Variants in PPP4R2 observed in about 807,000 individuals in gnomAD.
PPP4R2 encodes the protein serine/threonine-protein phosphatase 4 regulatory subunit 2.
In PPP4R2, 13 loss-of-function variants were observed where a neutral mutation model predicts 47.2. That is an observed-to-expected ratio of 0.28 (90% CI 0.18 to 0.44). The LOEUF (loss-of-function observed/expected upper bound fraction) is 0.44, where lower values mean the gene tolerates loss of function less well. Ranked by LOEUF, PPP4R2 falls within the 20% of genes least tolerant of loss-of-function variation. PPP4R2 has a pLI of 1.00. For synonymous variants in PPP4R2, 151 were observed against 163.3 expected (o/e 0.92, Z 0.57); for missense variants, 421 against 491.2 (o/e 0.86, Z 1.35).
chr3:73,045,486 CTTTA>C (rs529799518), intron 2 of PPP4R2, among the ~76,000 whole-genome samples: 43 of 148,576 alleles, frequency 2.9e-4, no homozygotes, highest in Non-Finnish European at 5.2e-4. Flanking sequence ...GACAGGTTCA[CTTTA>C]TTTATTTTTG....
intron 2 of PPP4R2, among the ~76,000 whole-genome samples, chr3:73,018,452 T>TTTATGTTATGTTATGTTATGTTATG (rs1701894739): frequency 7.3e-5 from 7 of 96,506 alleles, no homozygotes; most frequent in African/African-American, 2.5e-4. Context: ...TGTTATGTTA[T>TTTATGTTATGTTATGTTATGTTATG]TTATGTTATG....
At chr3:73,020,672 T>TTAAAAAAAA (rs59905202) in intron 2 of PPP4R2, among the ~76,000 whole-genome samples, 28 of 133,222 alleles carry the variant, frequency 2.1e-4, no homozygotes, top group African/African-American at 7.0e-4. Flanking sequence ...CCTGTCTCTT[T>TTAAAAAAAA]AAAAAAAAAA....
At chr3:72,997,637 T>G (rs931069606) in intron 1 of PPP4R2, among the ~76,000 whole-genome samples, 16 of 152,318 alleles carry the variant, frequency 1.1e-4, no homozygotes, top group African/African-American at 3.4e-4. Context: ...TAGAGAGATT[T>G]CAGCGTTTTG....
intron 3 of PPP4R2, among the ~76,000 whole-genome samples, chr3:73,053,587 C>T (rs1375424149): frequency 1.3e-5 from 2 of 152,072 alleles, no homozygotes; most frequent in African/African-American, 2.4e-5. Context: ...AGTTTACTTA[C>T]ATCATTGGGG....
At chr3:73,063,318 TA>T (rs534798966) in intron 5 of PPP4R2, 1,549 of 92,096 alleles carry the variant, frequency 0.017, 2 homozygotes, top group South Asian at 0.028. Flanking sequence ...TCTCATTATT[TA>T]AAAAAAAAAA....
intron 2 of PPP4R2, among the ~76,000 whole-genome samples, chr3:73,034,374 C>T (rs898480094): frequency 2.0e-5 from 3 of 152,200 alleles, no homozygotes; most frequent in Admixed American, 1.3e-4. Flanking sequence ...ACGCAGAACA[C>T]TTGCTGACTA....
intron 2 of PPP4R2, among the ~76,000 whole-genome samples, chr3:72,999,837 A>C (rs1211676628): frequency 6.6e-6 from 1 of 152,160 alleles, no homozygotes; most frequent in African/African-American, 2.4e-5. Flanking sequence ...TCTTATATTC[A>C]ATGGAATTTG....
chr3:73,018,497 A>G (rs1701896754), intron 2 of PPP4R2, among the ~76,000 whole-genome samples: 1 of 79,410 alleles, frequency 1.3e-5, no homozygotes, highest in Admixed American at 1.1e-4. Context: ...TCTGTTGCCC[A>G]GGCTGGAGTG....
intron 2 of PPP4R2, among the ~76,000 whole-genome samples, chr3:73,011,526 T>C (rs188250507): frequency 3.3e-5 from 5 of 152,206 alleles, no homozygotes; most frequent in African/African-American, 9.6e-5. Context: ...AGGACTCTTA[T>C]AATCGTTATT....
At position 73,023,475 on chromosome 3, in the gene PPP4R2, A is replaced by G. The variant is rs149803762; in HGVS notation, c.117-23711A>G. Among the ~76,000 whole-genome samples, 675 of 152,284 alleles carry G rather than the reference A, an allele frequency of 4.4e-3. 3 individuals carry two copies. The highest frequency in any genetic ancestry group is 0.016 in the African/African-American group (654 of 41,568). On this transcript the variant is annotated intron_variant, in intron 2 of 8. Coordinates refer to ENST00000356692, the MANE Select transcript of PPP4R2 (RefSeq NM_174907.4). ...TGCTGGGATTAGAGGCATGAGCCAC[A>G]GTGCCTGGCCAGAATAAGATTTCTT...
At chr3:73,053,772 G>T (rs1702669043) in intron 3 of PPP4R2, among the ~76,000 whole-genome samples, 1 of 151,892 alleles carries the variant, frequency 6.6e-6, no homozygotes, top group Admixed American at 6.6e-5. Flanking sequence ...AGCTGGGCGT[G>T]GTGGCAGGCG....
chr3:72,999,254 G>A (rs946411036), intron 2 of PPP4R2, among the ~76,000 whole-genome samples: 6 of 152,176 alleles, frequency 3.9e-5, no homozygotes, highest in African/African-American at 9.6e-5. Context: ...CCCTCTGGGC[G>A]GGGGAAGTCA....
chr3:73,004,844 G>GGGGTGT (rs767172629), intron 2 of PPP4R2, among the ~76,000 whole-genome samples: 1 of 99,496 alleles, frequency 1.0e-5, no homozygotes. Context: ...TACAGTGTGG[G>GGGGTGT]GTGTGTGTGT....
At chr3:73,018,903 G>C (rs186067127) in intron 2 of PPP4R2, among the ~76,000 whole-genome samples, 1 of 152,122 alleles carries the variant, frequency 6.6e-6, no homozygotes, top group Admixed American at 6.6e-5. Flanking sequence ...TGCATTTTCT[G>C]TTATAGCTGT....
At chr3:73,029,607 C>T (rs776250020) in intron 2 of PPP4R2, among the ~76,000 whole-genome samples, 2 of 152,110 alleles carry the variant, frequency 1.3e-5, no homozygotes, top group Non-Finnish European at 2.9e-5. Flanking sequence ...TGGGAAAGAT[C>T]AGAAGTTCAG....
chr3:73,063,621 TC>T, intron 5 of PPP4R2, 51 bp from the exon 6 acceptor site: 1 of 1,056,070 alleles, frequency 9.5e-7, no homozygotes, highest in Non-Finnish European at 1.5e-6. Context: ...AGAGCCAGAC[TC>T]CATCTAAAAA....
Position 73,067,484 on chromosome 3 carries a change from C to CT in PPP4R2, c.*1763dup, listed in dbSNP as rs2107355259. ...CTAGATGATATATTTATGACTATGTCTAATAGTTGAAATAAAATCTGAATA... is the reference window on the plus strand; with the variant it reads ...CTAGATGATATATTTATGACTATGTCTTAATAGTTGAAATAAAATCTGAATA... On this transcript the variant is annotated 3_prime_UTR_variant, in exon 9 of 9. Coordinates refer to ENST00000356692, the MANE Select transcript of PPP4R2 (RefSeq NM_174907.4). The CT allele has an allele frequency of 6.6e-6, 1 of 152,074 alleles. No individual in the cohort carries two copies. Among genetic ancestry groups the CT allele is most frequent in the South Asian group, 2.1e-4 (1 of 4,826 alleles). The allele number at this position is 152,074 out of a possible 1,614,324, so 9.4% of individuals were successfully genotyped here.
At chr3:73,035,310 G>A (rs1343702623) in intron 2 of PPP4R2, among the ~76,000 whole-genome samples, 1 of 152,186 alleles carries the variant, frequency 6.6e-6, no homozygotes, top group Non-Finnish European at 1.5e-5. Context: ...TGAGGTGGGA[G>A]CATCACTTGA....
rs956001549 is a variant in PPP4R2 at position 73,067,111 on chromosome 3, T to C, written c.*1389T>C. 3.3e-5 allele frequency: 5 copies of C among 152,156 alleles called. No homozygotes were observed. The highest frequency in any genetic ancestry group is 1.2e-4 in the African/African-American group (5 of 41,470). The allele number at this position is 152,156 out of a possible 1,614,324, so 9.4% of individuals were successfully genotyped here. On this transcript the variant is annotated 3_prime_UTR_variant, in exon 9 of 9. Coordinates refer to ENST00000356692, the MANE Select transcript of PPP4R2 (RefSeq NM_174907.4). ...ACTGCCTTTGTGAAGCGGTATATAA[T>C]TGTATAATTTCTGTGTGTAAACTGA...
Sources: gnomAD v4.1 joint callset for allele counts (sites outside exome capture counted in the v4.1 genomes callset) on GRCh38, gnomAD v4.1.1 for gene constraint, MANE v1.5 for transcripts, NCBI Gene and HGNC (gene_info 2026-07-23, HGNC 2026-07-21) for gene names.